The following PLEKHG7 variants were observed in gnomAD, a reference collection of about 807,000 sequenced individuals.
PLEKHG7 encodes the protein pleckstrin homology domain-containing family G member 7.
A neutral mutation model predicts 85.2 loss-of-function variants in PLEKHG7; 77 were observed. That is an observed-to-expected ratio of 0.90 (90% CI 0.75 to 1.09). The LOEUF is 1.09. PLEKHG7 is among the 50% of genes least tolerant of loss of function. The pLI is 0.00. For missense variants in PLEKHG7, 777 were observed against 804.3 expected (o/e 0.97, Z 0.41); for synonymous variants, 301 against 302.4 (o/e 1.00, Z 0.05).
At chr12:92,758,228 A>G (rs1404549838) in intron 13 of PLEKHG7, among the ~76,000 whole-genome samples, 1 of 152,022 alleles carries the variant, frequency 6.6e-6, no homozygotes, top group Non-Finnish European at 1.5e-5. Context: ...CTTCCTACCT[A>G]CCTCCCAATA....
At chr12:92,737,606 AAGAAAAGAAAGAG>A (rs1477357000) in intron 7 of PLEKHG7, 85 bp downstream of exon 7, 6 of 1,307,360 alleles carry the variant, frequency 4.6e-6, no homozygotes, top group African/African-American at 4.5e-5. Context: ...GAAAGAAATA[AAGAAAAGAAAGAG>A]AGAAAAGAAA....
chr12:92,732,542 C>T (rs2136594970), intron 5 of PLEKHG7, among the ~76,000 whole-genome samples: 2 of 152,298 alleles, frequency 1.3e-5, no homozygotes. Context: ...TGCTTTACAA[C>T]ACTAAATTTA....
chr12:92,749,342 A>G (rs867708760), intron 10 of PLEKHG7, among the ~76,000 whole-genome samples: 50 of 152,090 alleles, frequency 3.3e-4, no homozygotes, highest in African/African-American at 1.2e-3. Flanking sequence ...CCCAGGCTAG[A>G]GTGCAGTGGT....
At chr12:92,749,976 ATTTTATTTTAT>A (rs1872645904) in intron 10 of PLEKHG7, among the ~76,000 whole-genome samples, 1 of 93,290 alleles carries the variant, frequency 1.1e-5, no homozygotes, top group African/African-American at 4.2e-5. Flanking sequence ...TTTATATTTT[ATTTTATTTTAT>A]TATTTTATTT....
chr12:92,761,651 AAAGAAAGAAAGAAAG>A (rs1873024491), intron 13 of PLEKHG7, 86 bp from the exon 14 acceptor site: 2 of 1,140,222 alleles, frequency 1.8e-6, no homozygotes, highest in Non-Finnish European at 2.3e-6. Flanking sequence ...AGAAAGAAAG[AAAGAAAGAAAGAAAG>A]AAAGAAAGAA....
At chr12:92,754,667 A>T (rs1872777883) in intron 11 of PLEKHG7, among the ~76,000 whole-genome samples, 1 of 152,180 alleles carries the variant, frequency 6.6e-6, no homozygotes, top group African/African-American at 2.4e-5. Context: ...TCATTTCTTA[A>T]ATCACCGAAA....
At chr12:92,754,286 G>C (rs768406286) in intron 11 of PLEKHG7, 22 bp downstream of exon 11, 1 of 1,608,782 alleles carries the variant, frequency 6.2e-7, no homozygotes, top group Non-Finnish European at 8.5e-7. Context: ...AGATAAGTGA[G>C]CTTAATTACA....
chr12:92,739,531 C>T (rs1872285957), intron 7 of PLEKHG7, among the ~76,000 whole-genome samples: 2 of 152,222 alleles, frequency 1.3e-5, no homozygotes, highest in Non-Finnish European at 2.9e-5. Context: ...CCACTGTAAG[C>T]TGTCCAAGCT....
In PLEKHG7 at chr12:92,770,898, T is replaced by A. The variant is rs1873397023; in HGVS notation, c.*703T>A. On this transcript the variant is annotated 3_prime_UTR_variant, in exon 17 of 17. Transcript: ENST00000344636. ...TGGCTTTTCTTGGCCTGTTGTGAAG[T>A]GTACAGATTTTCATAGACATAGTAA... The A allele has an allele frequency of 6.6e-6, 1 of 152,118 alleles. No homozygotes were observed. Among genetic ancestry groups the A allele is most frequent in the Non-Finnish European group, 1.5e-5 (1 of 67,980 alleles). The allele number at this position is 152,118 out of a possible 1,614,324, so 9.4% of individuals were successfully genotyped here. A position where few individuals can be genotyped will look rare whatever the true frequency, so the allele number is the denominator to read the frequency against.
At chr12:92,722,302 C>T (rs560346628) in intron 3 of PLEKHG7, among the ~76,000 whole-genome samples, 1 of 152,110 alleles carries the variant, frequency 6.6e-6, no homozygotes, top group Non-Finnish European at 1.5e-5. Context: ...GCACATTTTC[C>T]GCACCAATCC....
intron 7 of PLEKHG7, among the ~76,000 whole-genome samples, chr12:92,738,926 T>C (rs1237940847): frequency 2.0e-5 from 3 of 152,232 alleles, no homozygotes; most frequent in African/African-American, 7.2e-5. Flanking sequence ...TCAGTTAGGA[T>C]GCTTACAAGA....
At chr12:92,705,151 G>C (rs1871197330) in intron 1 of PLEKHG7, among the ~76,000 whole-genome samples, 1 of 152,204 alleles carries the variant, frequency 6.6e-6, no homozygotes, top group East Asian at 1.9e-4. Flanking sequence ...AAAAATTAGG[G>C]AGTACATTGG....
rs1872356721 is a variant in PLEKHG7, at chr12:92,741,550, T to C, written c.1095T>C (p.Ser365=). 6 of 1,612,012 alleles carry C rather than the reference T, an allele frequency of 3.7e-6. No individual in the cohort carries two copies. Among genetic ancestry groups the C allele is most frequent in the South Asian group, 1.1e-5 (1 of 90,944 alleles). ...TCATCAAGGACTATGTAGACGCTTC[T>C]GAGATTTCCTCATCACTGGATTTTA... is the stretch of plus-strand genomic sequence containing the variant. ...FGIIKDYVDA[S]EISSSLDFIS... The change falls in exon 9 of 17, where the codon TCT becomes TCC. Residue 365 remains serine, a synonymous_variant. Coordinates refer to ENST00000344636, the MANE Select transcript of PLEKHG7 (RefSeq NM_001377329.1).
chr12:92,768,702 C>A (rs1361632830), intron 15 of PLEKHG7, among the ~76,000 whole-genome samples: 1 of 151,992 alleles, frequency 6.6e-6, no homozygotes, highest in Admixed American at 6.5e-5. Context: ...CGAGCAGGGG[C>A]CCCATTACCT....
intron 3 of PLEKHG7, among the ~76,000 whole-genome samples, chr12:92,725,264 G>C (rs1201250016): frequency 1.3e-5 from 2 of 152,118 alleles, no homozygotes; most frequent in African/African-American, 4.8e-5. Context: ...TATTTCCAGA[G>C]ATCAAATTGC....
chr12:92,724,792 G>C (rs1565788739), intron 3 of PLEKHG7, among the ~76,000 whole-genome samples: 3 of 152,116 alleles, frequency 2.0e-5, no homozygotes, highest in Admixed American at 6.6e-5. Flanking sequence ...CATCAGCCAG[G>C]TTTGGGTCAC....
chr12:92,761,698 C>A, intron 13 of PLEKHG7, 54 bp from the exon 14 acceptor site: 1 of 1,470,222 alleles, frequency 6.8e-7, no homozygotes, highest in Non-Finnish European at 8.9e-7. Flanking sequence ...GAAAGAAAAA[C>A]TCTTCTACTT....
At chr12:92,735,256 G>C (rs1402524363) in intron 5 of PLEKHG7, among the ~76,000 whole-genome samples, 1 of 152,172 alleles carries the variant, frequency 6.6e-6, no homozygotes, top group Non-Finnish European at 1.5e-5. Context: ...ATTGCAGTAG[G>C]AGGTCTTTAA....
At chr12:92,721,567 G>T in intron 3 of PLEKHG7, 2 of 1,114,542 alleles carry the variant, frequency 1.8e-6, no homozygotes, top group South Asian at 9.1e-5. Context: ...CATGGTGGGT[G>T]GGGGTGGGGA....
Sources: allele counts gnomAD v4.1 joint callset (sites outside exome capture counted in the v4.1 genomes callset), GRCh38; gene constraint gnomAD v4.1.1; transcripts MANE v1.5; gene names NCBI Gene and HGNC (gene_info 2026-07-23, HGNC 2026-07-21).